Variants in ARHGAP15 observed in about 807,000 individuals in gnomAD.
ARHGAP15 encodes the protein Rho GTPase activating protein 15.
In ARHGAP15, 51 loss-of-function variants were observed where a neutral mutation model predicts 63.7. That is an observed-to-expected ratio of 0.80 (90% CI 0.64 to 1.01). The LOEUF is 1.01. Among genes scored for constraint, ARHGAP15 ranks in the 50% least tolerant of loss-of-function variants. The probability of loss-of-function intolerance (pLI) is 0.00; values close to 1 mark genes in which losing one functional copy is unlikely to be tolerated. For missense variants in ARHGAP15, 560 were observed against 564.6 expected, an observed-to-expected ratio of 0.99 and a Z score of 0.08; for synonymous variants, 191 against 193.8, an observed-to-expected ratio of 0.99 and a Z score of 0.12.
At chr2:143,467,488 C>A (rs767219509) in intron 8 of ARHGAP15, among the ~76,000 whole-genome samples, 2 of 151,830 alleles carry the variant, frequency 1.3e-5, no homozygotes, top group Non-Finnish European at 2.9e-5. Flanking sequence ...GTATAATCTT[C>A]AGGAAATTAT....
chr2:143,363,217 A>G (rs1019884357), intron 6 of ARHGAP15, among the ~76,000 whole-genome samples: 1 of 152,028 alleles, frequency 6.6e-6, no homozygotes, highest in Admixed American at 6.6e-5. Context: ...GTTTTGTCCT[A>G]AAGGTTTTGT....
At chr2:143,134,104 AATCTATCT>A (rs70982842) in intron 1 of ARHGAP15, among the ~76,000 whole-genome samples, 7,120 of 141,272 alleles carry the variant, frequency 0.05, 309 homozygotes, top group African/African-American at 0.12. Context: ...TCTATTTGAA[AATCTATCT>A]ATCTATCTAT....
chr2:143,339,423 T>A (rs899434128), intron 6 of ARHGAP15, among the ~76,000 whole-genome samples: 2 of 152,128 alleles, frequency 1.3e-5, no homozygotes, highest in African/African-American at 4.8e-5. Context: ...AGCAATGAAT[T>A]ATAATGGGAT....
intron 11 of ARHGAP15, among the ~76,000 whole-genome samples, chr2:143,575,372 C>T (rs986785696): frequency 6.6e-6 from 1 of 152,046 alleles, no homozygotes; most frequent in South Asian, 2.1e-4. Flanking sequence ...AATAATGAAA[C>T]GTCCAGCTGT....
At position 143,519,379 on chromosome 2, in the gene ARHGAP15, G is replaced by A. The variant is rs191616736; in HGVS notation, c.925+15G>A. The stretch of plus-strand genomic sequence containing the variant: ...TGAGAAAAGAGGTGGGTGACTGAAT[G>A]TGCAGCAGTTCCCCCCATTACTGCA... On this transcript the variant is annotated intron_variant, in intron 10 of 13. Coordinates refer to ENST00000295095, the MANE Select transcript of ARHGAP15 (RefSeq NM_018460.4). The A allele has an allele frequency of 3.1e-6, 5 of 1,599,468 alleles. No individual in the cohort carries two copies. The highest frequency in any genetic ancestry group is 4.5e-5 in the East Asian group (2 of 44,704).
At chr2:143,383,048 C>A (rs1687125928) in intron 6 of ARHGAP15, among the ~76,000 whole-genome samples, 1 of 152,166 alleles carries the variant, frequency 6.6e-6, no homozygotes, top group African/African-American at 2.4e-5. Context: ...TTCCCAAATT[C>A]TTACGTAGAC....
intron 2 of ARHGAP15, among the ~76,000 whole-genome samples, chr2:143,160,639 T>A (rs1030242031): frequency 6.6e-6 from 1 of 151,940 alleles, no homozygotes; most frequent in African/African-American, 2.4e-5. Flanking sequence ...AATTCGAAGG[T>A]TTCCTAAGGT....
intron 6 of ARHGAP15, among the ~76,000 whole-genome samples, chr2:143,304,137 A>G (rs902543738): frequency 5.9e-5 from 9 of 152,218 alleles, no homozygotes; most frequent in Non-Finnish European, 1.2e-4. Flanking sequence ...TCATGCTGCT[A>G]TAAAGACACA....
At chr2:143,299,027 A>T (rs1042236905) in intron 6 of ARHGAP15, among the ~76,000 whole-genome samples, 1 of 152,018 alleles carries the variant, frequency 6.6e-6, no homozygotes. Flanking sequence ...ACTTTGCTAC[A>T]ATGTCATATT....
intron 1 of ARHGAP15, among the ~76,000 whole-genome samples, chr2:143,134,859 G>A (rs933640282): frequency 2.6e-5 from 4 of 151,970 alleles, no homozygotes; most frequent in African/African-American, 7.2e-5. Flanking sequence ...GGATGGTGTC[G>A]ATCTCCTGAC....
chr2:143,496,269 G>A (rs1692810605), intron 9 of ARHGAP15, among the ~76,000 whole-genome samples: 1 of 152,000 alleles, frequency 6.6e-6, no homozygotes, highest in Non-Finnish European at 1.5e-5. Context: ...GTTGAGAAAA[G>A]GGTGCACCTG....
intron 6 of ARHGAP15, among the ~76,000 whole-genome samples, chr2:143,413,964 T>TGCGCGCGCGCGCGCAC (rs1263567075): frequency 2.1e-3 from 141 of 67,052 alleles, no homozygotes; most frequent in African/African-American, 9.0e-3. Context: ...TGTGTGTGTG[T>TGCGCGCGCGCGCGCAC]GTGCGCGCTC....
At chr2:143,414,475 T>C (rs556876644) in intron 6 of ARHGAP15, among the ~76,000 whole-genome samples, 3 of 152,082 alleles carry the variant, frequency 2.0e-5, no homozygotes, top group Non-Finnish European at 4.4e-5. Flanking sequence ...AATTTAAGCC[T>C]AGAAAATTAA....
intron 11 of ARHGAP15, among the ~76,000 whole-genome samples, chr2:143,577,808 A>G (rs1381424071): frequency 6.6e-6 from 1 of 152,160 alleles, no homozygotes; most frequent in African/African-American, 2.4e-5. Context: ...GGAGATTCCC[A>G]TCCAGAATTC....
At chr2:143,346,244 A>ACT (rs754388159) in intron 6 of ARHGAP15, among the ~76,000 whole-genome samples, 7,476 of 143,792 alleles carry the variant, frequency 0.052, 431 homozygotes, top group Admixed American at 0.19. Context: ...TCTCACACAC[A>ACT]CACACTCACA....
In ARHGAP15 at chr2:143,690,141, G is replaced by T. The variant is rs182581362; in HGVS notation, c.1139-13278G>T. ...CTGCTTTCAGGAAGGCAGACTCTCT[G>T]GTTCAGTACTTCAATAGCTCATGCA... On this transcript the variant is annotated intron_variant, in intron 12 of 13. Coordinates refer to ENST00000295095, the MANE Select transcript of ARHGAP15 (RefSeq NM_018460.4). 8.9e-4 allele frequency among the ~76,000 whole-genome samples: 136 copies of T among 152,284 alleles called. 1 individual carries two copies. Among genetic ancestry groups the T allele is most frequent in the Non-Finnish European group, 1.0e-3 (68 of 68,014 alleles).
chr2:143,547,640 G>C (rs1695387763), intron 10 of ARHGAP15, among the ~76,000 whole-genome samples: 1 of 150,358 alleles, frequency 6.7e-6, no homozygotes, highest in African/African-American at 2.4e-5. Context: ...TAATAATGAG[G>C]CAAGACAGTG....
intron 13 of ARHGAP15, among the ~76,000 whole-genome samples, chr2:143,704,409 C>T (rs1684233779): frequency 6.6e-6 from 1 of 152,074 alleles, no homozygotes; most frequent in African/African-American, 2.4e-5. Flanking sequence ...GGAGATGGAT[C>T]AGGCTGGACT....
At chr2:143,275,900 C>T (rs1681523560) in intron 6 of ARHGAP15, among the ~76,000 whole-genome samples, 1 of 152,160 alleles carries the variant, frequency 6.6e-6, no homozygotes, top group Non-Finnish European at 1.5e-5. Flanking sequence ...TGCCTCTCTT[C>T]CAAGACCCTG....
Sources: allele counts gnomAD v4.1 joint callset (sites outside exome capture counted in the v4.1 genomes callset), GRCh38; gene constraint gnomAD v4.1.1; transcripts MANE v1.5; gene names NCBI Gene and HGNC (gene_info 2026-07-23, HGNC 2026-07-21).